The following STT3B variants were observed in gnomAD, a reference collection of about 807,000 sequenced individuals.
STT3B encodes the protein dolichyl-diphosphooligosaccharide--protein glycosyltransferase subunit STT3B.
STT3B carries 29 observed loss-of-function variants against 96.8 expected under a neutral mutation model. That is an observed-to-expected ratio of 0.30 (90% CI 0.22 to 0.41). The LOEUF is 0.41. Among genes scored for constraint, STT3B ranks in the 10% least tolerant of loss-of-function variants. The pLI, the probability that STT3B is intolerant of heterozygous loss-of-function variation, is 1.00. For missense variants in STT3B, 640 were observed against 1,022.3 expected, an observed-to-expected ratio of 0.63 and a Z score of 5.10; for synonymous variants, 367 against 360.0, an observed-to-expected ratio of 1.02 and a Z score of -0.22.
intron 1 of STT3B, among the ~76,000 whole-genome samples, chr3:31,555,084 T>C (rs1034825306): frequency 2.0e-5 from 3 of 152,138 alleles, no homozygotes; most frequent in African/African-American, 7.2e-5. Context: ...GAAAAAGAAA[T>C]ATTCCCATCA....
chr3:31,616,736 A>G (rs372973322), intron 6 of STT3B, among the ~76,000 whole-genome samples, 193 bp from the exon 7 acceptor site: 20 of 151,890 alleles, frequency 1.3e-4, no homozygotes, highest in African/African-American at 4.1e-4. Context: ...TAGGAAAAAA[A>G]AAAAAAGTCA....
chr3:31,555,871 G>C (rs1241790092), intron 1 of STT3B, among the ~76,000 whole-genome samples: 2 of 152,058 alleles, frequency 1.3e-5, no homozygotes, highest in African/African-American at 2.4e-5. Context: ...TATCCATCTT[G>C]AGTATTTATT....
chr3:31,619,983 T>C (rs1347587660), intron 9 of STT3B, 153 bp downstream of exon 9: 3 of 1,498,060 alleles, frequency 2.0e-6, no homozygotes, highest in South Asian at 1.2e-5. Flanking sequence ...CCAAGAAAAA[T>C]TCACTGAGAG....
chr3:31,556,086 A>T (rs1222516323), intron 1 of STT3B, among the ~76,000 whole-genome samples: 1 of 151,706 alleles, frequency 6.6e-6, no homozygotes, highest in African/African-American at 2.4e-5. Context: ...AGCCTCTGGT[A>T]TCTGTCTACC....
chr3:31,589,749 G>A (rs1234812862), intron 3 of STT3B, among the ~76,000 whole-genome samples: 1 of 151,708 alleles, frequency 6.6e-6, no homozygotes, highest in Non-Finnish European at 1.5e-5. Context: ...AGATTCCTTA[G>A]GATTTTCTAC....
At position 31,540,747 on chromosome 3, in the gene STT3B, T is replaced by TA. The variant is rs562397005; in HGVS notation, c.314+7442dup. Reference sequence around the variant, plus strand: ...AATTTTATGTTGTTGCCCATACTGTTAAAAAAATTAAAATGTAGTGTGATT... The same window carrying TA: ...AATTTTATGTTGTTGCCCATACTGTTAAAAAAAATTAAAATGTAGTGTGATT... On this transcript the variant is annotated intron_variant, in intron 1 of 15. Transcript: ENST00000295770. 8.7e-4 allele frequency among the ~76,000 whole-genome samples: 132 copies of TA among 152,242 alleles called. 2 individuals carry two copies. The highest frequency in any genetic ancestry group is 6.8e-3 in the Middle Eastern group (2 of 292).
chr3:31,591,152 G>A lies in STT3B; in HGVS notation c.712-5646G>A, dbSNP rs561531816. On this transcript the variant is annotated intron_variant, in intron 3 of 15. Coordinates refer to ENST00000295770, the MANE Select transcript of STT3B (RefSeq NM_178862.3). ...CCTGCTTTATATATTTTAAGGATTTGTTTTAGGTCCCTGTATACTTAAAAT... is the reference window on the plus strand; with the variant it reads ...CCTGCTTTATATATTTTAAGGATTTATTTTAGGTCCCTGTATACTTAAAAT... Among the ~76,000 whole-genome samples the A allele has an allele frequency of 2.0e-5, 3 of 152,022 alleles. No individual in the cohort carries two copies. In the East Asian group the frequency reaches 5.8e-4, roughly 29 times the overall value.
At chr3:31,600,091 C>G (rs1485998538) in intron 4 of STT3B, among the ~76,000 whole-genome samples, 1 of 152,090 alleles carries the variant, frequency 6.6e-6, no homozygotes, top group Non-Finnish European at 1.5e-5. Context: ...AATTATAATA[C>G]TCTCAGCTTT....
intron 4 of STT3B, among the ~76,000 whole-genome samples, chr3:31,598,723 G>A (rs550983212): frequency 6.6e-6 from 1 of 152,098 alleles, no homozygotes; most frequent in East Asian, 1.9e-4. Flanking sequence ...TTGATATTAT[G>A]CTCAATTTTC....
intron 1 of STT3B, among the ~76,000 whole-genome samples, chr3:31,569,965 T>G (rs565387837): frequency 6.6e-6 from 1 of 152,228 alleles, no homozygotes; most frequent in African/African-American, 2.4e-5. Context: ...TACGTATATA[T>G]ACCCTTCATT....
intron 4 of STT3B, among the ~76,000 whole-genome samples, chr3:31,597,867 GCT>G (rs1340174662): frequency 6.7e-6 from 1 of 148,482 alleles, no homozygotes; most frequent in East Asian, 2.0e-4. Flanking sequence ...ACAGAGTCTG[GCT>G]CTGTTGCCTA....
rs1699446645 is a variant in STT3B at position 31,622,243 on chromosome 3, A to G, written c.1474A>G (p.Asn492Asp). The G allele has an allele frequency of 6.2e-7, 1 of 1,614,064 alleles. No individual in the cohort carries two copies. The highest frequency in any genetic ancestry group is 8.5e-7 in the Non-Finnish European group (1 of 1,180,000). ...TTTGGGGGATGACATGAAAAGGGAA[A>G]ATCCACCTGTGGAGGACAGCAGTGA... ...HYLGDDMKRE[N>D]PPVEDSSDED... The change falls in exon 10 of 16, where the codon AAT becomes GAT. Residue 492 changes from asparagine to aspartate, a missense_variant. By Grantham distance (23) the Asn-to-Asp change is conservative (BLOSUM62 1). Around this residue, in one of 8 missense-constraint regions of STT3B, gnomAD observed 149 missense variants for 250.2 expected, o/e 0.60. Transcript: ENST00000295770.
At chr3:31,588,977 TA>T (rs1475817913) in intron 3 of STT3B, among the ~76,000 whole-genome samples, 3 of 152,074 alleles carry the variant, frequency 2.0e-5, no homozygotes, top group African/African-American at 7.2e-5. Context: ...TGCCTTTCCA[TA>T]TAAACATTCA....
chr3:31,608,888 G>A (rs1699117446), intron 5 of STT3B, among the ~76,000 whole-genome samples: 1 of 152,240 alleles, frequency 6.6e-6, no homozygotes, highest in Admixed American at 6.5e-5. Context: ...AGGCTGAGTT[G>A]GGTGGATCAC....
intron 3 of STT3B, among the ~76,000 whole-genome samples, chr3:31,589,147 C>T (rs990359429): frequency 1.3e-5 from 2 of 152,042 alleles, no homozygotes; most frequent in African/African-American, 4.8e-5. Flanking sequence ...GGATTCCACA[C>T]ATATTCTGTT....
chr3:31,572,111 T>C (rs1441261640), intron 1 of STT3B, among the ~76,000 whole-genome samples: 8 of 133,816 alleles, frequency 6.0e-5, no homozygotes, highest in Non-Finnish European at 1.5e-5. Flanking sequence ...AATATATATA[T>C]TATATATCTC....
At chr3:31,602,325 G>A (rs970142176) in intron 5 of STT3B, among the ~76,000 whole-genome samples, 5 of 151,840 alleles carry the variant, frequency 3.3e-5, no homozygotes, top group Non-Finnish European at 7.4e-5. Context: ...AAGTTAAATG[G>A]TTACAGTGAA....
rs778476398 is a variant in STT3B at position 31,617,998 on chromosome 3, G to A, written c.1172+10G>A. On this transcript the variant is annotated intron_variant, in intron 8 of 15. Coordinates refer to ENST00000295770, the MANE Select transcript of STT3B (RefSeq NM_178862.3). The stretch of plus-strand genomic sequence containing the variant: ...CATTGTGGGATACTGGGTAAGTACA[G>A]TTACATTATTTGGCATCATATTTAT... 2 of 1,566,540 alleles carry A rather than the reference G, an allele frequency of 1.3e-6. No homozygotes were observed. The highest frequency in any genetic ancestry group is 2.3e-5 in the East Asian group (1 of 44,406).
chr3:31,634,366 C>G (rs1305619324), intron 15 of STT3B, among the ~76,000 whole-genome samples: 2 of 152,132 alleles, frequency 1.3e-5, no homozygotes, highest in Non-Finnish European at 2.9e-5. Flanking sequence ...GATATAGACC[C>G]CAAAGGCAGT....
Sources: allele counts gnomAD v4.1 joint callset (sites outside exome capture counted in the v4.1 genomes callset), GRCh38; gene constraint gnomAD v4.1.1; regional missense constraint gnomAD v4.1.1; transcripts MANE v1.5; gene names NCBI Gene and HGNC (gene_info 2026-07-23, HGNC 2026-07-21).